The following AKIRIN2 variants were observed in gnomAD, a reference collection of about 807,000 sequenced individuals.
AKIRIN2 encodes the protein akirin-2.
AKIRIN2 carries 6 observed loss-of-function variants against 29.3 expected under a neutral mutation model. The ratio of observed to expected loss-of-function variants is 0.20; its 90% CI spans 0.11 to 0.40. The LOEUF is 0.40. Ranked by LOEUF, AKIRIN2 falls within the 10% of genes least tolerant of loss-of-function variation. The pLI is 1.00. For missense variants in AKIRIN2, 210 were observed against 276.1 expected (o/e 0.76, Z 1.70); for synonymous variants, 128 against 117.5 (o/e 1.09, Z -0.58).
At chr6:87,681,910 T>G (rs1483539754) in intron 1 of AKIRIN2, 147 bp from the exon 2 acceptor site, 4 of 694,522 alleles carry the variant, frequency 5.8e-6, no homozygotes, top group African/African-American at 5.5e-5. Flanking sequence ...TAGGAACTCA[T>G]TTCAGCATAA....
In AKIRIN2 at chr6:87,675,073, T is replaced by C. The variant is rs930244854; in HGVS notation, c.*524A>G. 6.7e-6 allele frequency: 1 copy of C among 149,288 alleles called. No homozygotes were observed. The highest frequency in any genetic ancestry group is 6.6e-5 in the Admixed American group (1 of 15,038). The allele number at this position is 149,288 out of a possible 1,614,324, so 9.2% of individuals were successfully genotyped here. A position where few individuals can be genotyped will look rare whatever the true frequency, so the allele number is the denominator to read the frequency against. ...AAAACTACAAAAAAAAAAAAAATCA[T>C]ACAAACCCATTCTGAAACCCCAAGA... On this transcript the variant is annotated 3_prime_UTR_variant, in exon 5 of 5. Transcript: ENST00000257787.
intron 1 of AKIRIN2, among the ~76,000 whole-genome samples, chr6:87,690,194 G>GA (rs1771256046): frequency 7.6e-6 from 1 of 132,322 alleles, no homozygotes; most frequent in Admixed American, 8.0e-5. Flanking sequence ...CAACAACAGC[G>GA]AAACTCCATC....
chr6:87,692,917 A>G (rs75390045), intron 1 of AKIRIN2, among the ~76,000 whole-genome samples: 1,530 of 151,760 alleles, frequency 0.01, 26 homozygotes, highest in African/African-American at 0.034. Context: ...TGAAACTTCA[A>G]AAAATGGGAT....
Position 87,677,804 on chromosome 6 carries a change from AAC to A in AKIRIN2, c.529+12_529+13del. 6.2e-7 allele frequency: 1 copy of A among 1,610,988 alleles called. No individual in the cohort carries two copies. Among genetic ancestry groups the A allele is most frequent in the South Asian group, 1.1e-5 (1 of 90,648 alleles). On this transcript the variant is annotated intron_variant, in intron 3 of 4. Coordinates refer to ENST00000257787, the MANE Select transcript of AKIRIN2 (RefSeq NM_018064.4). ...ACTGAGTTCCTCAGAAACTCTAATA[AAC>A]ACACCTCATACCTGCAAGTTTTGTG...
intron 1 of AKIRIN2, among the ~76,000 whole-genome samples, chr6:87,693,918 A>G (rs1159620048): frequency 1.3e-5 from 2 of 152,188 alleles, no homozygotes; most frequent in East Asian, 3.8e-4. Context: ...AATCAAGTAT[A>G]CCACTTAGAA....
chr6:87,687,463 A>G (rs1771207696), intron 1 of AKIRIN2, among the ~76,000 whole-genome samples: 1 of 144,630 alleles, frequency 6.9e-6, no homozygotes, highest in Non-Finnish European at 1.5e-5. Context: ...AAAACACACT[A>G]CTTGGAGTTG....
intron 1 of AKIRIN2, among the ~76,000 whole-genome samples, chr6:87,684,235 A>G (rs562810545): frequency 2.0e-5 from 3 of 152,322 alleles, no homozygotes; most frequent in Non-Finnish European, 4.4e-5. Context: ...ATGCTTGTAT[A>G]ATAACAACCT....
chr6:87,698,272 T>G (rs1162132160), intron 1 of AKIRIN2, among the ~76,000 whole-genome samples: 2 of 152,016 alleles, frequency 1.3e-5, no homozygotes, highest in Non-Finnish European at 2.9e-5. Context: ...TAAGCAAACT[T>G]TTTCTGTAAA....
intron 1 of AKIRIN2, 90 bp downstream of exon 1, chr6:87,701,360 C>T: frequency 7.4e-7 from 1 of 1,355,198 alleles, no homozygotes; most frequent in Non-Finnish European, 9.8e-7. Flanking sequence ...CACAGTCCGG[C>T]ACCCCCACCC....
intron 1 of AKIRIN2, among the ~76,000 whole-genome samples, chr6:87,688,323 A>T (rs2128301946): frequency 6.6e-6 from 1 of 152,096 alleles, no homozygotes; most frequent in East Asian, 1.9e-4. Flanking sequence ...GTAGAGACAG[A>T]GTTTCACCAG....
intron 1 of AKIRIN2, among the ~76,000 whole-genome samples, chr6:87,685,300 T>C (rs1210314448): frequency 6.6e-6 from 1 of 152,224 alleles, no homozygotes; most frequent in Non-Finnish European, 1.5e-5. Flanking sequence ...TTGAAGCTGA[T>C]AACTCAAGAA....
Position 87,687,151 on chromosome 6 carries a change from T to G in AKIRIN2, c.236-5388A>C, listed in dbSNP as rs1246054499. On this transcript the variant is annotated intron_variant, in intron 1 of 4. Transcript: ENST00000257787. ...AGTAAAGAAAACTTGCAATAGTCAT[T>G]AAGACTTAAAACTAAGACACACTGT... 2.0e-5 allele frequency among the ~76,000 whole-genome samples: 3 copies of G among 149,738 alleles called. No individual in the cohort carries two copies. In the Admixed American group the frequency reaches 2.0e-4, roughly 10 times the overall value.
intron 1 of AKIRIN2, among the ~76,000 whole-genome samples, chr6:87,692,276 C>T (rs1187721128): frequency 2.0e-5 from 3 of 152,186 alleles, no homozygotes; most frequent in Admixed American, 2.0e-4. Context: ...CCATTTCCAT[C>T]ACTTGGCCAG....
rs144806614 is a variant in AKIRIN2 at position 87,696,126 on chromosome 6, C to T, written c.235+5324G>A. On this transcript the variant is annotated intron_variant, in intron 1 of 4. Coordinates refer to ENST00000257787, the MANE Select transcript of AKIRIN2 (RefSeq NM_018064.4). ...GCCCAGGAGGCAGATTGCAGTGAGC[C>T]GAGATTGTGCTGCTGCACTCCAGCC... Among the ~76,000 whole-genome samples the T allele has an allele frequency of 6.2e-3, 937 of 152,110 alleles. 29 individuals carry two copies. The highest frequency in any genetic ancestry group is 0.048 in the Admixed American group (732 of 15,282).
intron 1 of AKIRIN2, among the ~76,000 whole-genome samples, chr6:87,690,047 C>A (rs1178685044): frequency 6.6e-6 from 1 of 152,012 alleles, no homozygotes; most frequent in African/African-American, 2.4e-5. Flanking sequence ...CCTGTCTCTA[C>A]TAAAACTACA....
intron 3 of AKIRIN2, 113 bp from the exon 4 acceptor site, chr6:87,676,044 A>G: frequency 1.2e-6 from 1 of 826,098 alleles, no homozygotes; most frequent in South Asian, 1.7e-5. Context: ...AATCACTTAC[A>G]TAACCTCAGT....
chr6:87,699,661 T>G (rs1771426210), intron 1 of AKIRIN2, among the ~76,000 whole-genome samples: 1 of 152,060 alleles, frequency 6.6e-6, no homozygotes, highest in Admixed American at 6.6e-5. Flanking sequence ...AATTTAAACT[T>G]GAGATAATGT....
chr6:87,678,051 T>G, intron 2 of AKIRIN2, 84 bp from the exon 3 acceptor site: 1 of 1,227,196 alleles, frequency 8.1e-7, no homozygotes, highest in Non-Finnish European at 1.1e-6. Flanking sequence ...TTTATTTGGA[T>G]CTCTTCAATC....
intron 1 of AKIRIN2, among the ~76,000 whole-genome samples, chr6:87,692,990 A>T (rs1489210534): frequency 6.6e-6 from 1 of 152,102 alleles, no homozygotes; most frequent in Non-Finnish European, 1.5e-5. Context: ...GCACTTTGGG[A>T]GGCTGTGGTG....
Sources: gnomAD v4.1 joint callset for allele counts (sites outside exome capture counted in the v4.1 genomes callset) on GRCh38, gnomAD v4.1.1 for gene constraint, MANE v1.5 for transcripts, NCBI Gene and HGNC (gene_info 2026-07-23, HGNC 2026-07-21) for gene names.